The following THSD7B variants were observed in gnomAD, a reference collection of about 807,000 sequenced individuals.
The protein encoded by THSD7B is thrombospondin type 1 domain containing 7B.
Under a neutral mutation model 213.6 loss-of-function variants are expected in THSD7B, and 138 were observed. That is an observed-to-expected ratio of 0.65 (90% CI 0.56 to 0.74). The LOEUF (loss-of-function observed/expected upper bound fraction) is 0.74. THSD7B is among the 30% of genes least tolerant of loss of function. The pLI, the probability that THSD7B is intolerant of heterozygous loss-of-function variation, is 0.00. For synonymous variants in THSD7B, 742 were observed against 687.0 expected (o/e 1.08, Z -1.25); for missense variants, 1,931 against 1,991.5 (o/e 0.97, Z 0.58).
intron 15 of THSD7B, among the ~76,000 whole-genome samples, chr2:137,514,886 G>T (rs1337968490): frequency 6.6e-6 from 1 of 152,160 alleles, no homozygotes; most frequent in Non-Finnish European, 1.5e-5. Flanking sequence ...GAAGTTGGTT[G>T]GTTGCTCCTA....
At chr2:137,180,951 A>G (rs1038784928) in intron 7 of THSD7B, among the ~76,000 whole-genome samples, 5 of 152,172 alleles carry the variant, frequency 3.3e-5, no homozygotes, top group Non-Finnish European at 5.9e-5. Flanking sequence ...CTAACCATAC[A>G]CTAAGCATGT....
chr2:137,393,371 T>A (rs1686090177), intron 12 of THSD7B, among the ~76,000 whole-genome samples: 1 of 150,266 alleles, frequency 6.7e-6, no homozygotes, highest in Admixed American at 6.7e-5. Context: ...CCATGTGATC[T>A]CATTGTTCAA....
At chr2:136,955,437 T>G (rs955838316) in intron 2 of THSD7B, among the ~76,000 whole-genome samples, 1 of 152,186 alleles carries the variant, frequency 6.6e-6, no homozygotes, top group Non-Finnish European at 1.5e-5. Flanking sequence ...ATAGATTCTT[T>G]CTATGTGTTA....
intron 12 of THSD7B, among the ~76,000 whole-genome samples, chr2:137,353,411 C>T (rs939717011): frequency 6.6e-5 from 10 of 152,082 alleles, no homozygotes; most frequent in Admixed American, 2.6e-4. Context: ...CAGTGGTCTG[C>T]GCATCCTAGC....
chr2:137,502,515 C>A (rs943890982), intron 15 of THSD7B, among the ~76,000 whole-genome samples: 16 of 152,110 alleles, frequency 1.1e-4, no homozygotes, highest in Admixed American at 1.0e-3. Context: ...TGAATACAAC[C>A]TAGCTTCTTG....
intron 15 of THSD7B, among the ~76,000 whole-genome samples, chr2:137,541,586 T>G (rs1680610498): frequency 6.6e-6 from 1 of 151,708 alleles, no homozygotes; most frequent in Non-Finnish European, 1.5e-5. Flanking sequence ...TATTTGAAAC[T>G]ATATATTATT....
chr2:136,889,787 C>A (rs773101292), intron 2 of THSD7B, among the ~76,000 whole-genome samples: 13 of 152,180 alleles, frequency 8.5e-5, no homozygotes, highest in Non-Finnish European at 1.8e-4. Flanking sequence ...CCCTGCACAG[C>A]CTGCATAGTC....
intron 12 of THSD7B, among the ~76,000 whole-genome samples, chr2:137,384,585 G>T (rs1685850470): frequency 2.0e-5 from 3 of 152,168 alleles, no homozygotes; most frequent in Admixed American, 2.0e-4. Context: ...TGTTCTAGAG[G>T]TGGAGGCAGG....
At chr2:137,361,391 T>A (rs1235303661) in intron 12 of THSD7B, among the ~76,000 whole-genome samples, 4 of 152,212 alleles carry the variant, frequency 2.6e-5, no homozygotes, top group Admixed American at 1.3e-4. Flanking sequence ...TTTGATGAGT[T>A]GACAGAAGTA....
At chr2:137,534,279 C>A (rs1680460828) in intron 15 of THSD7B, among the ~76,000 whole-genome samples, 1 of 151,584 alleles carries the variant, frequency 6.6e-6, no homozygotes, top group Admixed American at 6.6e-5. Flanking sequence ...AACAGTAGTG[C>A]ATCTATTTTT....
chr2:137,190,322 AT>A (rs910802951), intron 7 of THSD7B, among the ~76,000 whole-genome samples: 14 of 151,904 alleles, frequency 9.2e-5, no homozygotes, highest in African/African-American at 2.7e-4. Context: ...GTTCATATCA[AT>A]TTTTTTTCTG....
chr2:137,169,123 G>A (rs1276298375), intron 6 of THSD7B, among the ~76,000 whole-genome samples: 1 of 147,538 alleles, frequency 6.8e-6, no homozygotes, highest in Non-Finnish European at 1.5e-5. Context: ...AATCCTTAAA[G>A]AGTCTAGGAG....
At position 136,953,948 on chromosome 2, in the gene THSD7B, C is replaced by T. The variant is rs553692427; in HGVS notation, c.139+71631C>T. On this transcript the variant is annotated intron_variant, in intron 2 of 27. Coordinates refer to ENST00000409968, the MANE Select transcript of THSD7B (RefSeq NM_001316349.2). Reference sequence around the variant, plus strand: ...CAAATGCGTCAGAAATACAGCCTAACCCAGTCATGTGAATAGTTATTTGCC... The same window carrying T: ...CAAATGCGTCAGAAATACAGCCTAATCCAGTCATGTGAATAGTTATTTGCC... Among the ~76,000 whole-genome samples, 12 of 152,238 alleles carry T rather than the reference C, an allele frequency of 7.9e-5. No individual in the cohort carries two copies. In the South Asian group the frequency reaches 2.5e-3, roughly 32 times the overall value.
chr2:137,462,846 G>A (rs946678278), intron 15 of THSD7B, among the ~76,000 whole-genome samples: 1 of 147,344 alleles, frequency 6.8e-6, no homozygotes, highest in Non-Finnish European at 1.5e-5. Flanking sequence ...GCCATGAAGT[G>A]CTTCCTTTAA....
At chr2:137,386,524 C>T (rs1226241082) in intron 12 of THSD7B, among the ~76,000 whole-genome samples, 2 of 152,130 alleles carry the variant, frequency 1.3e-5, no homozygotes, top group Admixed American at 6.6e-5. Flanking sequence ...TATGACCTCT[C>T]GAAATAAATT....
At chr2:137,264,899 C>G (rs1682548406) in intron 10 of THSD7B, among the ~76,000 whole-genome samples, 1 of 151,460 alleles carries the variant, frequency 6.6e-6, no homozygotes, top group African/African-American at 2.4e-5. Context: ...CATATGCATA[C>G]ATGTGCCATG....
chr2:137,568,476 G>T (rs964140764), intron 16 of THSD7B, among the ~76,000 whole-genome samples: 10 of 152,142 alleles, frequency 6.6e-5, no homozygotes, highest in African/African-American at 2.4e-4. Flanking sequence ...AACAGCCAGT[G>T]TATTAGTCTA....
chr2:136,788,926 A>T (rs1350487045), intron 1 of THSD7B, among the ~76,000 whole-genome samples: 1 of 152,130 alleles, frequency 6.6e-6, no homozygotes, highest in South Asian at 2.1e-4. Context: ...AAGTTTCCGG[A>T]TATAGGTTCT....
chr2:137,645,518 G>C (rs933465897), intron 21 of THSD7B, among the ~76,000 whole-genome samples: 3 of 151,996 alleles, frequency 2.0e-5, no homozygotes, highest in Non-Finnish European at 4.4e-5. Context: ...TTACATTGTG[G>C]CTGTTGTTGT....
Sources: gnomAD v4.1 joint callset for allele counts (sites outside exome capture counted in the v4.1 genomes callset) on GRCh38, gnomAD v4.1.1 for gene constraint, MANE v1.5 for transcripts, NCBI Gene and HGNC (gene_info 2026-07-23, HGNC 2026-07-21) for gene names.